The following TENM2 variants were observed in gnomAD, a reference collection of about 807,000 sequenced individuals.
The protein encoded by TENM2 is teneurin-2.
A neutral mutation model predicts 245.2 loss-of-function variants in TENM2; 52 were observed. The ratio of observed to expected loss-of-function variants is 0.21; its 90% CI spans 0.17 to 0.27. The LOEUF (loss-of-function observed/expected upper bound fraction) is 0.27. Ranked by LOEUF, TENM2 falls within the 10% of genes least tolerant of loss-of-function variation. TENM2 has a pLI of 1.00. For missense variants in TENM2, 3,046 were observed against 3,666.8 expected (o/e 0.83, Z 4.37); for synonymous variants, 1,363 against 1,438.9 (o/e 0.95, Z 1.19).
intron 23 of TENM2, among the ~76,000 whole-genome samples, chr5:168,219,824 C>CAAAACAAA (rs1763506350): frequency 2.0e-5 from 1 of 49,822 alleles, no homozygotes; most frequent in Non-Finnish European, 3.4e-5. Context: ...GTTGGCACAG[C>CAAAACAAA]AAAAAAAAAA....
At chr5:167,516,325 A>G (rs1268774108) in intron 2 of TENM2, among the ~76,000 whole-genome samples, 1 of 152,112 alleles carries the variant, frequency 6.6e-6, no homozygotes, top group Non-Finnish European at 1.5e-5. Context: ...TAACCTCTCT[A>G]GACATTTTAA....
the TENM2 span, among the ~76,000 whole-genome samples, chr5:167,030,576 T>G: frequency 6.6e-6 from 1 of 152,206 alleles, no homozygotes; most frequent in Non-Finnish European, 1.5e-5. Flanking sequence ...TCTTTTCCTC[T>G]TAACTTCCAC....
chr5:168,056,751 T>C (rs1789575873), intron 6 of TENM2, among the ~76,000 whole-genome samples: 1 of 152,238 alleles, frequency 6.6e-6, no homozygotes, highest in South Asian at 2.1e-4. Flanking sequence ...ATGGTACGTG[T>C]CCTATACAGG....
chr5:167,254,589 A>G, the TENM2 span, among the ~76,000 whole-genome samples: 1 of 152,154 alleles, frequency 6.6e-6, no homozygotes, highest in African/African-American at 2.4e-5. Flanking sequence ...TCTTCTTCTC[A>G]TGGAGCTTAT....
chr5:167,202,338 G>A, the TENM2 span, among the ~76,000 whole-genome samples: 4 of 151,788 alleles, frequency 2.6e-5, no homozygotes, highest in African/African-American at 9.7e-5. Flanking sequence ...TCAGCCTACT[G>A]CCCCTCTCCA....
intron 2 of TENM2, among the ~76,000 whole-genome samples, chr5:167,717,928 T>C (rs567240479): frequency 6.6e-6 from 1 of 152,244 alleles, no homozygotes; most frequent in Non-Finnish European, 1.5e-5. Context: ...TTGGTAGTTC[T>C]ACCTTTGTCA....
chr5:167,755,921 A>G (rs543068969), intron 2 of TENM2, among the ~76,000 whole-genome samples: 1 of 152,278 alleles, frequency 6.6e-6, no homozygotes, highest in Non-Finnish European at 1.5e-5. Context: ...ATGGAGTGGT[A>G]ATAACCCCTC....
intron 16 of TENM2, among the ~76,000 whole-genome samples, chr5:168,199,661 A>G (rs140549051): frequency 6.6e-6 from 1 of 152,340 alleles, no homozygotes; most frequent in East Asian, 1.9e-4. Context: ...TCCAAAAATC[A>G]TAACCTCAGC....
At chr5:167,233,763 G>T in the TENM2 span, among the ~76,000 whole-genome samples, 1 of 152,070 alleles carries the variant, frequency 6.6e-6, no homozygotes, top group Non-Finnish European at 1.5e-5. Flanking sequence ...TCTCAGCCAA[G>T]ACTGAAATCT....
chr5:167,806,938 ATC>A (rs1766222207), intron 2 of TENM2, among the ~76,000 whole-genome samples: 1 of 151,770 alleles, frequency 6.6e-6, no homozygotes, highest in South Asian at 2.1e-4. Flanking sequence ...CAACCGTGGT[ATC>A]TTTCCTGAGT....
intron 2 of TENM2, among the ~76,000 whole-genome samples, chr5:167,400,254 A>G (rs536295282): frequency 3.9e-5 from 6 of 152,210 alleles, no homozygotes; most frequent in Admixed American, 1.3e-4. Flanking sequence ...AATGAGAGTG[A>G]TGGGAAGGAG....
At chr5:167,678,709 A>G (rs1257935093) in intron 2 of TENM2, among the ~76,000 whole-genome samples, 1 of 152,088 alleles carries the variant, frequency 6.6e-6, no homozygotes, top group African/African-American at 2.4e-5. Flanking sequence ...CTTGGTGCCA[A>G]TCAGGCCAGA....
At chr5:167,419,453 G>A (rs1179863368) in intron 2 of TENM2, among the ~76,000 whole-genome samples, 6 of 152,080 alleles carry the variant, frequency 3.9e-5, no homozygotes, top group South Asian at 2.1e-4. Context: ...AGAGTGAGAC[G>A]TCGTCTCAAA....
At chr5:168,224,278 C>T (rs919151625) in intron 23 of TENM2, among the ~76,000 whole-genome samples, 4 of 152,174 alleles carry the variant, frequency 2.6e-5, no homozygotes, top group African/African-American at 7.2e-5. Flanking sequence ...CCACCCCATG[C>T]CTGGGGCCCT....
intron 3 of TENM2, among the ~76,000 whole-genome samples, chr5:167,880,191 C>T (rs1191435261): frequency 1.3e-5 from 2 of 152,014 alleles, no homozygotes; most frequent in Non-Finnish European, 2.9e-5. Context: ...CACCACCATA[C>T]TTGGCTAATT....
At chr5:167,627,872 T>C (rs1186938651) in intron 2 of TENM2, among the ~76,000 whole-genome samples, 1 of 152,186 alleles carries the variant, frequency 6.6e-6, no homozygotes, top group Non-Finnish European at 1.5e-5. Flanking sequence ...CTACTTCTTA[T>C]GAATTTAAAT....
chr5:167,204,473 G>A, the TENM2 span, among the ~76,000 whole-genome samples: 46 of 152,280 alleles, frequency 3.0e-4, no homozygotes, highest in Admixed American at 4.6e-4. Flanking sequence ...CCTGGAGCAG[G>A]TACGAGAAAA....
chr5:168,042,036 C>T (rs948300639), intron 5 of TENM2, among the ~76,000 whole-genome samples: 2 of 152,132 alleles, frequency 1.3e-5, no homozygotes, highest in African/African-American at 2.4e-5. Context: ...GGTATATTTC[C>T]CCCAGGAGCC....
chr5:167,646,041 C>T (rs1298726856), intron 2 of TENM2, among the ~76,000 whole-genome samples: 1 of 150,898 alleles, frequency 6.6e-6, no homozygotes, highest in Non-Finnish European at 1.5e-5. Context: ...TTTATATTAC[C>T]CACCTAGCTC....
Sources: gnomAD v4.1 joint callset for allele counts (sites outside exome capture counted in the v4.1 genomes callset) on GRCh38, gnomAD v4.1.1 for gene constraint, MANE v1.5 for transcripts, NCBI Gene and HGNC (gene_info 2026-07-23, HGNC 2026-07-21) for gene names.